MAPKAPK3: variants seen among roughly 807,000 people sequenced by gnomAD.
MAPKAPK3 encodes the protein MAP kinase-activated protein kinase 3.
A neutral mutation model predicts 49.2 loss-of-function variants in MAPKAPK3; 35 were observed. The ratio of observed to expected loss-of-function variants is 0.71; its 90% CI spans 0.54 to 0.94. The LOEUF (loss-of-function observed/expected upper bound fraction) is 0.94, where lower values mean the gene tolerates loss of function less well. Ranked by LOEUF, MAPKAPK3 falls within the 40% of genes least tolerant of loss-of-function variation. The probability of loss-of-function intolerance (pLI) is 0.00; values close to 1 mark genes in which losing one functional copy is unlikely to be tolerated. For synonymous variants in MAPKAPK3, 178 were observed against 188.7 expected, an observed-to-expected ratio of 0.94 and a Z score of 0.46; for missense variants, 398 against 493.1, an observed-to-expected ratio of 0.81 and a Z score of 1.83.
In MAPKAPK3 at chr3:50,644,414, A is replaced by G; in HGVS notation, c.510A>G (p.Glu170=). The G allele has an allele frequency of 6.2e-7, 1 of 1,614,134 alleles. No homozygotes were observed. Among genetic ancestry groups the G allele is most frequent in the South Asian group, 1.1e-5 (1 of 91,080 alleles). Residue 170 remains glutamate, a synonymous_variant, in exon 6 of 11, where the codon GAA becomes GAG. Coordinates refer to ENST00000621469, the MANE Select transcript of MAPKAPK3 (RefSeq NM_001243925.2). ...HNIAHRDVKP[E]NLLYTSKEKD... Reference sequence around the variant, plus strand: ...GTTTTCTCTTTCTGGCCCAGCCTGAAAACCTACTCTACACATCTAAGGAGA... The same window carrying G: ...GTTTTCTCTTTCTGGCCCAGCCTGAGAACCTACTCTACACATCTAAGGAGA...
At chr3:50,621,504 A>G (rs1284688628) in intron 2 of MAPKAPK3, among the ~76,000 whole-genome samples, 1 of 151,428 alleles carries the variant, frequency 6.6e-6, no homozygotes. Flanking sequence ...AGACTGAGGC[A>G]GGAGAATCGC....
rs1179334515 is a variant in MAPKAPK3 at position 50,635,948 on chromosome 3, C to CA, written c.220-4404dup. ...AAAAAAAAAAAAAAAAAAAAAAAAC[C>CA]AAAAAAAAAAAAAATTAGCCAGGTG... is the stretch of plus-strand genomic sequence containing the variant. On this transcript the variant is annotated intron_variant, in intron 2 of 10. Transcript: ENST00000621469. Among the ~76,000 whole-genome samples the CA allele has an allele frequency of 5.2e-3, 491 of 95,204 alleles. 3 individuals are homozygous for CA. Among genetic ancestry groups the CA allele is most frequent in the Middle Eastern group, 0.011 (2 of 178 alleles). 62.5% of individuals were successfully genotyped at this position (95,204 alleles called of 152,430 possible). A position where few individuals can be genotyped will look rare whatever the true frequency, so the allele number is the denominator to read the frequency against.
intron 2 of MAPKAPK3, among the ~76,000 whole-genome samples, chr3:50,621,468 G>A (rs2032606886): frequency 6.6e-6 from 1 of 151,624 alleles, no homozygotes; most frequent in East Asian, 1.9e-4. Flanking sequence ...CACAGTGGCG[G>A]GCGCCTGTAA....
upstream of MAPKAPK3, chr3:50,611,806 C>A (rs1162735686): frequency 6.0e-6 from 6 of 999,276 alleles, no homozygotes; most frequent in Non-Finnish European, 8.1e-6. Flanking sequence ...CCTGCGAGGG[C>A]GAGGGGGGCG....
chr3:50,645,894 G>A lies in MAPKAPK3; in HGVS notation c.704+109G>A, dbSNP rs2033280008. On this transcript the variant is annotated intron_variant, in intron 7 of 10. Transcript: ENST00000621469. ...CCCATGTCCTTGGTGAGGAGCTTGT[G>A]TGTGTCACTCCTCATGCAGGCTGCC... is the stretch of plus-strand genomic sequence containing the variant. The A allele has an allele frequency of 1.1e-5, 12 of 1,067,140 alleles. No individual in the cohort carries two copies. In the South Asian group the frequency reaches 1.2e-4, roughly 11 times the overall value. 66.1% of individuals were successfully genotyped at this position (1,067,140 alleles called of 1,614,324 possible).
At chr3:50,624,189 A>C (rs931279736) in intron 2 of MAPKAPK3, among the ~76,000 whole-genome samples, 1 of 152,204 alleles carries the variant, frequency 6.6e-6, no homozygotes, top group African/African-American at 2.4e-5. Context: ...AGAGGTTGCC[A>C]GTTTAATTCA....
intron 5 of MAPKAPK3, among the ~76,000 whole-genome samples, chr3:50,642,613 A>G (rs567497806): frequency 6.6e-6 from 1 of 152,366 alleles, no homozygotes; most frequent in Admixed American, 6.5e-5. Flanking sequence ...GGGCCCTGAC[A>G]AGCAATCTCA....
intron 2 of MAPKAPK3, 75 bp from the exon 3 acceptor site, chr3:50,640,291 G>T: frequency 6.7e-7 from 1 of 1,489,514 alleles, no homozygotes. Context: ...AGGCCTCAGA[G>T]CTTATATGTT....
At chr3:50,629,476 T>C (rs2032848805) in intron 2 of MAPKAPK3, among the ~76,000 whole-genome samples, 1 of 151,886 alleles carries the variant, frequency 6.6e-6, no homozygotes, top group Admixed American at 6.6e-5. Context: ...TCTGAGCTCT[T>C]TGTGTGTGCT....
chr3:50,643,238 C>A (rs186325621), intron 5 of MAPKAPK3, among the ~76,000 whole-genome samples: 2 of 152,332 alleles, frequency 1.3e-5, no homozygotes, highest in East Asian at 3.9e-4. Flanking sequence ...AAGCCATTTG[C>A]TGAGCCCTGG....
intron 2 of MAPKAPK3, 151 bp downstream of exon 2, chr3:50,617,935 C>T: frequency 1.6e-6 from 1 of 616,106 alleles, no homozygotes; most frequent in Non-Finnish European, 2.8e-6. Context: ...GCTTGTGGTC[C>T]TCCCTACTTC....
chr3:50,624,958 C>A (rs555642918), intron 2 of MAPKAPK3, among the ~76,000 whole-genome samples: 4 of 152,318 alleles, frequency 2.6e-5, no homozygotes, highest in African/African-American at 9.6e-5. Context: ...AGTTCTACTG[C>A]TCTCCCTCCA....
At chr3:50,626,673 C>T (rs1161668436) in intron 2 of MAPKAPK3, among the ~76,000 whole-genome samples, 1 of 152,224 alleles carries the variant, frequency 6.6e-6, no homozygotes, top group South Asian at 2.1e-4. Context: ...AGGGCACCCA[C>T]TTGCTGAGTG....
At chr3:50,633,019 C>T (rs1259251605) in intron 2 of MAPKAPK3, among the ~76,000 whole-genome samples, 2 of 152,072 alleles carry the variant, frequency 1.3e-5, no homozygotes, top group Admixed American at 6.5e-5. Context: ...CAGCTTTGTT[C>T]GATCTCTAAG....
chr3:50,629,728 G>A (rs991183097), intron 2 of MAPKAPK3, among the ~76,000 whole-genome samples: 5 of 152,076 alleles, frequency 3.3e-5, no homozygotes, highest in South Asian at 2.1e-4. Context: ...TGGGAGCCTC[G>A]CTCAGGTCCC....
intron 2 of MAPKAPK3, among the ~76,000 whole-genome samples, chr3:50,620,799 T>C (rs2032591419): frequency 6.6e-6 from 1 of 152,204 alleles, no homozygotes; most frequent in Non-Finnish European, 1.5e-5. Context: ...TGGCAGGAAC[T>C]GGAGGACTGC....
At chr3:50,644,615 C>A in intron 6 of MAPKAPK3, 83 bp downstream of exon 6, 2 of 1,468,664 alleles carry the variant, frequency 1.4e-6, no homozygotes, top group Non-Finnish European at 9.3e-7. Flanking sequence ...TTGCAGAAAC[C>A]AAAGGGTTAA....
chr3:50,646,708 C>G, intron 8 of MAPKAPK3, 32 bp from the exon 9 acceptor site: 5 of 1,542,288 alleles, frequency 3.2e-6, no homozygotes, highest in Non-Finnish European at 4.5e-6. Flanking sequence ...TCTGCAATCT[C>G]ATCTCTCCCC....
chr3:50,619,721 G>A (rs1052646153), intron 2 of MAPKAPK3, among the ~76,000 whole-genome samples: 2 of 152,126 alleles, frequency 1.3e-5, no homozygotes, highest in African/African-American at 4.8e-5. Flanking sequence ...TCAGGGATGG[G>A]GTGGGAGACC....
Sources: allele counts gnomAD v4.1 joint callset (sites outside exome capture counted in the v4.1 genomes callset), GRCh38; gene constraint gnomAD v4.1.1; transcripts MANE v1.5; gene names NCBI Gene and HGNC (gene_info 2026-07-23, HGNC 2026-07-21).